DIAPH3: variants seen among roughly 807,000 people sequenced by gnomAD.
DIAPH3 encodes diaphanous related formin 3.
DIAPH3 carries 117 observed loss-of-function variants against 144.3 expected under a neutral mutation model. The observed-to-expected ratio is 0.81, with a 90% confidence interval of 0.70 to 0.95. The LOEUF (loss-of-function observed/expected upper bound fraction) is 0.95. Ranked by LOEUF, DIAPH3 falls within the 40% of genes least tolerant of loss-of-function variation. DIAPH3 has a pLI of 0.00. For synonymous variants in DIAPH3, 519 were observed against 488.9 expected, an observed-to-expected ratio of 1.06 and a Z score of -0.81; for missense variants, 1,421 against 1,412.7, an observed-to-expected ratio of 1.01 and a Z score of -0.09.
intron 24 of DIAPH3, among the ~76,000 whole-genome samples, chr13:59,820,578 T>C (rs2041017012): frequency 6.6e-6 from 1 of 151,814 alleles, no homozygotes; most frequent in Non-Finnish European, 1.5e-5. Context: ...TTAACATTTG[T>C]TTTATATTTT....
chr13:59,679,727 A>G (rs2032842166), intron 27 of DIAPH3, among the ~76,000 whole-genome samples: 1 of 152,178 alleles, frequency 6.6e-6, no homozygotes, highest in Non-Finnish European at 1.5e-5. Flanking sequence ...TCCATGTGGT[A>G]TTTGAAATTA....
intron 4 of DIAPH3, chr13:60,044,451 G>A (rs1282377617): frequency 6.6e-6 from 1 of 152,158 alleles, no homozygotes; most frequent in African/African-American, 2.4e-5. Flanking sequence ...GGGAAATGGT[G>A]AAAGCTATGA....
At chr13:59,987,331 G>GT (rs1358322290) in intron 12 of DIAPH3, among the ~76,000 whole-genome samples, 1 of 151,508 alleles carries the variant, frequency 6.6e-6, no homozygotes, top group Admixed American at 6.6e-5. Flanking sequence ...GTGGTGGGGT[G>GT]GGGGGAGTGG....
At chr13:60,091,843 A>T (rs2057944919) in intron 4 of DIAPH3, among the ~76,000 whole-genome samples, 1 of 151,800 alleles carries the variant, frequency 6.6e-6, no homozygotes, top group Admixed American at 6.6e-5. Context: ...TTTTGTTTTT[A>T]TTATTATTAT....
intron 22 of DIAPH3, among the ~76,000 whole-genome samples, chr13:59,851,522 C>G (rs543977922): frequency 6.6e-6 from 1 of 152,252 alleles, no homozygotes; most frequent in East Asian, 1.9e-4. Flanking sequence ...CTATATCTGC[C>G]ACCTAAAATG....
In DIAPH3 at chr13:59,860,749, AAAAAAG is replaced by A. The variant is rs545968534; in HGVS notation, c.2737+652_2737+657del. On this transcript the variant is annotated intron_variant, in intron 22 of 27. Transcript: ENST00000400324. ...CGAGACTCCATCTCAAAAAAAGGAA[AAAAAAG>A]AAAAAGAAAAAGAAAATTGAATTAT... Among the ~76,000 whole-genome samples the A allele has an allele frequency of 2.8e-3, 422 of 152,260 alleles. 3 individuals carry two copies. The highest frequency in any genetic ancestry group is 0.01 in the Middle Eastern group (3 of 294).
intron 25 of DIAPH3, among the ~76,000 whole-genome samples, chr13:59,808,647 T>G (rs1345723261): frequency 6.6e-6 from 1 of 152,168 alleles, no homozygotes; most frequent in East Asian, 1.9e-4. Flanking sequence ...TATTGTTCCA[T>G]GACTTCATTA....
At chr13:59,950,190 A>G (rs955789337) in intron 17 of DIAPH3, among the ~76,000 whole-genome samples, 3 of 152,192 alleles carry the variant, frequency 2.0e-5, no homozygotes, top group Admixed American at 2.0e-4. Context: ...TAGATTTTGC[A>G]TATAAACCTC....
chr13:59,861,657 T>C (rs2043598709), intron 21 of DIAPH3, 121 bp from the exon 22 acceptor site: 1 of 1,124,338 alleles, frequency 8.9e-7, no homozygotes, highest in Admixed American at 2.2e-5. Flanking sequence ...ATTAGTTGAT[T>C]TCGTTTTTGA....
At chr13:60,084,450 G>A (rs1214617433) in intron 4 of DIAPH3, among the ~76,000 whole-genome samples, 1 of 151,822 alleles carries the variant, frequency 6.6e-6, no homozygotes, top group Non-Finnish European at 1.5e-5. Flanking sequence ...TAAAGATGCT[G>A]TAAGATATCT....
intron 22 of DIAPH3, among the ~76,000 whole-genome samples, chr13:59,846,626 T>C (rs886076551): frequency 1.3e-5 from 2 of 152,122 alleles, no homozygotes; most frequent in Non-Finnish European, 2.9e-5. Context: ...AAAAAAAATC[T>C]TGACTATTAA....
At chr13:60,052,573 C>A (rs959063560) in intron 4 of DIAPH3, among the ~76,000 whole-genome samples, 1 of 152,086 alleles carries the variant, frequency 6.6e-6, no homozygotes, top group Non-Finnish European at 1.5e-5. Context: ...GCCATCTTCT[C>A]CACTAGAATA....
At chr13:59,721,852 CAGA>C (rs150546776) in intron 27 of DIAPH3, among the ~76,000 whole-genome samples, 175 of 152,184 alleles carry the variant, frequency 1.1e-3, no homozygotes, top group African/African-American at 4.1e-3. Flanking sequence ...TGCTTGTGTC[CAGA>C]AGAACAAGAG....
chr13:59,863,283 T>TA (rs142180998), intron 21 of DIAPH3, among the ~76,000 whole-genome samples: 24 of 149,592 alleles, frequency 1.6e-4, no homozygotes, highest in South Asian at 6.4e-4. Flanking sequence ...AATAAAGGGT[T>TA]AAAAAAAAAA....
At chr13:59,808,886 G>T (rs906069384) in intron 25 of DIAPH3, among the ~76,000 whole-genome samples, 2 of 152,100 alleles carry the variant, frequency 1.3e-5, no homozygotes, top group African/African-American at 2.4e-5. Context: ...TGATTTTTTG[G>T]ATAGGAAGAT....
intron 17 of DIAPH3, among the ~76,000 whole-genome samples, chr13:59,927,382 T>C (rs1403162505): frequency 6.6e-6 from 1 of 152,230 alleles, no homozygotes; most frequent in Non-Finnish European, 1.5e-5. Context: ...AATTGTTTTG[T>C]ATATCCTTTG....
intron 7 of DIAPH3, among the ~76,000 whole-genome samples, chr13:60,014,969 T>TTTTGTTTTG (rs1555357128): frequency 3.4e-5 from 5 of 147,000 alleles, no homozygotes; most frequent in Non-Finnish European, 6.0e-5. Flanking sequence ...TTTTCTAGTT[T>TTTTGTTTTG]TTTTGTTTTG....
chr13:60,143,053 C>T (rs962669459), intron 1 of DIAPH3, among the ~76,000 whole-genome samples: 3 of 152,012 alleles, frequency 2.0e-5, no homozygotes, highest in South Asian at 4.2e-4. Flanking sequence ...CCACCTCATC[C>T]GGCCAGCCTT....
At chr13:60,158,623 G>C (rs1346725274) in intron 1 of DIAPH3, among the ~76,000 whole-genome samples, 1 of 152,172 alleles carries the variant, frequency 6.6e-6, no homozygotes, top group Non-Finnish European at 1.5e-5. Context: ...TGAACCACCT[G>C]TGGTTGCCCC....
Sources: allele counts gnomAD v4.1 joint callset (sites outside exome capture counted in the v4.1 genomes callset), GRCh38; gene constraint gnomAD v4.1.1; transcripts MANE v1.5; gene names NCBI Gene and HGNC (gene_info 2026-07-23, HGNC 2026-07-21).